The following AP3D1 variants were observed in gnomAD, a reference collection of about 807,000 sequenced individuals.
AP3D1 encodes the protein adaptor related protein complex 3 subunit delta 1, also known as AP-3 complex subunit delta-1.
In AP3D1, 51 loss-of-function variants were observed where a neutral mutation model predicts 147.6. That is an observed-to-expected ratio of 0.35 (90% CI 0.28 to 0.44). The LOEUF (loss-of-function observed/expected upper bound fraction) is 0.44. Among genes scored for constraint, AP3D1 ranks in the 20% least tolerant of loss-of-function variants. The pLI is 1.00. For missense variants in AP3D1, 1,421 were observed against 1,624.2 expected (o/e 0.87, Z 2.15); for synonymous variants, 760 against 663.0 (o/e 1.15, Z -2.25).
Position 2,115,626 on chromosome 19 carries a change from C to T in AP3D1, c.2074-13G>A. 1 of 1,609,462 alleles carries T rather than the reference C, an allele frequency of 6.2e-7. No individual in the cohort carries two copies. Among genetic ancestry groups the T allele is most frequent in the East Asian group, 2.2e-5 (1 of 44,750 alleles). On this transcript the variant is annotated splice_polypyrimidine_tract_variant and intron_variant, in intron 18 of 31. Coordinates refer to ENST00000643116, the MANE Select transcript of AP3D1 (RefSeq NM_001261826.3). ...TGTCCTGGTACCGCTGCAAAGGCAACACCCAGGCGTTACCGGTGCACCGAG... is the reference window on the plus strand; with the variant it reads ...TGTCCTGGTACCGCTGCAAAGGCAATACCCAGGCGTTACCGGTGCACCGAG...
chr19:2,163,676 C>T (rs929757907), intron 1 of AP3D1, among the ~76,000 whole-genome samples: 2 of 152,076 alleles, frequency 1.3e-5, no homozygotes, highest in African/African-American at 2.4e-5. Flanking sequence ...CGCTATCCGA[C>T]GGGCCCGCCC....
rs951223199 is a variant in AP3D1 at position 2,159,394 on chromosome 19, G to GTT, written c.-103+4960_-103+4961dup. Among the ~76,000 whole-genome samples the GTT allele has an allele frequency of 4.1e-3, 511 of 123,198 alleles. 4 individuals are homozygous for GTT. The highest frequency in any genetic ancestry group is 0.014 in the African/African-American group (476 of 33,272). The allele number at this position is 123,198 out of a possible 152,430, so 80.8% of individuals were successfully genotyped here. On this transcript the variant is annotated intron_variant, in intron 1 of 14. Transcript: ENST00000643010. ...CCACCATGCCTAGCTAATTTTTTTT[G>GTT]TTTTTTTTTTTTGAGACGGAGTCTC...
chr19:2,152,063 T>C (rs1265145722), upstream of AP3D1, among the ~76,000 whole-genome samples: 1 of 152,178 alleles, frequency 6.6e-6, no homozygotes, highest in Non-Finnish European at 1.5e-5. Flanking sequence ...AAGACAGACA[T>C]TAACATGCCC....
chr19:2,103,288 G>C (rs1055683312), intron 31 of AP3D1, among the ~76,000 whole-genome samples: 1 of 152,156 alleles, frequency 6.6e-6, no homozygotes, highest in Non-Finnish European at 1.5e-5. Flanking sequence ...CGTGGGAGGG[G>C]CTCCAGCCTA....
intron 31 of AP3D1, among the ~76,000 whole-genome samples, chr19:2,105,752 C>T (rs1489593033): frequency 6.6e-6 from 1 of 152,144 alleles, no homozygotes; most frequent in African/African-American, 2.4e-5. Flanking sequence ...AAGTGTGCAG[C>T]ACCCAAAAAG....
At chr19:2,132,738 G>A (rs1028987204) in intron 4 of AP3D1, among the ~76,000 whole-genome samples, 160 bp from the exon 5 acceptor site, 1 of 152,212 alleles carries the variant, frequency 6.6e-6, no homozygotes, top group African/African-American at 2.4e-5. Context: ...TGCTGCTGAG[G>A]GGTCTGAAGC....
intron 11 of AP3D1, among the ~76,000 whole-genome samples, chr19:2,122,433 A>G (rs768414319): frequency 2.0e-5 from 3 of 152,180 alleles, no homozygotes; most frequent in African/African-American, 4.8e-5. Context: ...GGCAGCACTG[A>G]GCAGAGACAG....
intron 1 of AP3D1, among the ~76,000 whole-genome samples, chr19:2,147,765 T>C (rs1452039287): frequency 1.3e-5 from 2 of 150,854 alleles, no homozygotes; most frequent in East Asian, 3.9e-4. Flanking sequence ...GTGGTGGCAC[T>C]CGCCTGTTGT....
intron 1 of AP3D1, among the ~76,000 whole-genome samples, chr19:2,150,194 G>A (rs561438193): frequency 6.6e-6 from 1 of 152,176 alleles, no homozygotes; most frequent in South Asian, 2.1e-4. Context: ...TGGGCACCTC[G>A]TCCTGGACAC....
intron 3 of AP3D1, 116 bp downstream of exon 3, chr19:2,137,611 G>T: frequency 1.1e-6 from 1 of 879,588 alleles, no homozygotes; most frequent in Non-Finnish European, 1.8e-6. Flanking sequence ...AATCCACCTT[G>T]GGTAACAGAG....
intron 1 of AP3D1, among the ~76,000 whole-genome samples, chr19:2,162,560 C>T (rs758153727): frequency 4.6e-5 from 7 of 151,358 alleles, no homozygotes; most frequent in South Asian, 2.1e-4. Context: ...ACTCGGGAGG[C>T]TGAGGCAGGA....
At chr19:2,152,940 G>T (rs1455883966), upstream of AP3D1, among the ~76,000 whole-genome samples, 4 of 151,616 alleles carry the variant, frequency 2.6e-5, no homozygotes, top group Non-Finnish European at 5.9e-5. Flanking sequence ...TCTGACAAAT[G>T]ACTTATATCC....
Position 2,115,649 on chromosome 19 carries a change from G to A in AP3D1, c.2074-36C>T, listed in dbSNP as rs779249020. 1.8e-5 allele frequency: 28 copies of A among 1,592,754 alleles called. 1 individual carries two copies. The highest frequency in any genetic ancestry group is 3.3e-5 in the South Asian group (3 of 90,340). Reference sequence around the variant, plus strand: ...AACACCCAGGCGTTACCGGTGCACCGAGGGGTGACACACGTGCAAGACAAG... The same window carrying A: ...AACACCCAGGCGTTACCGGTGCACCAAGGGGTGACACACGTGCAAGACAAG... On this transcript the variant is annotated intron_variant, in intron 18 of 31. Coordinates refer to ENST00000643116, the MANE Select transcript of AP3D1 (RefSeq NM_001261826.3).
rs75786455 is a variant in AP3D1, at chr19:2,122,900, T to C, written c.955+458A>G. ...ACCAGGCAGGGGCCGCTAATTCTGA[T>C]TCCTCAACAGAGCAGCACGGGGGCA... On this transcript the variant is annotated intron_variant, in intron 11 of 31. Coordinates refer to ENST00000643116, the MANE Select transcript of AP3D1 (RefSeq NM_001261826.3). Among the ~76,000 whole-genome samples, 1,167 of 152,352 alleles carry C rather than the reference T, an allele frequency of 7.7e-3. 5 individuals are homozygous for C. The highest frequency in any genetic ancestry group is 0.013 in the African/African-American group (548 of 41,592).
chr19:2,101,990 A>G lies in AP3D1; in HGVS notation c.*183T>C. On this transcript the variant is annotated 3_prime_UTR_variant, in exon 32 of 32. Transcript: ENST00000643116. ...AGAGAATGGGAAGAGTCACAGTAAA[A>G]AAGGATGGTCAGATAATTCAACGCA... 2 of 585,906 alleles carry G rather than the reference A, an allele frequency of 3.4e-6. No individual in the cohort carries two copies. The highest frequency in any genetic ancestry group is 6.0e-6 in the Non-Finnish European group (2 of 333,222). 36.3% of individuals were successfully genotyped at this position (585,906 alleles called of 1,614,324 possible). A position where few individuals can be genotyped will look rare whatever the true frequency, so the allele number is the denominator to read the frequency against.
chr19:2,136,873 G>A (rs937223793), intron 4 of AP3D1, 138 bp downstream of exon 4: 21 of 767,214 alleles, frequency 2.7e-5, no homozygotes, highest in Non-Finnish European at 4.3e-5. Context: ...TGGGAGGACT[G>A]TGGCTCCGGA....
At chr19:2,157,209 G>A (rs1432199628) in intron 1 of AP3D1, among the ~76,000 whole-genome samples, 3 of 151,324 alleles carry the variant, frequency 2.0e-5, no homozygotes, top group Admixed American at 6.6e-5. Flanking sequence ...TTGGGAGGCC[G>A]AGGCGGGCGG....
At chr19:2,132,967 C>T (rs142249266) in intron 4 of AP3D1, among the ~76,000 whole-genome samples, 4 of 152,292 alleles carry the variant, frequency 2.6e-5, no homozygotes, top group African/African-American at 7.2e-5. Context: ...GGGAATCAAC[C>T]GAGTTTCCTG....
intron 1 of AP3D1, among the ~76,000 whole-genome samples, chr19:2,163,069 A>G (rs2019758237): frequency 6.6e-6 from 1 of 151,998 alleles, no homozygotes; most frequent in South Asian, 2.1e-4. Flanking sequence ...AAATTAATTA[A>G]TTAATTAATT....
Sources: gnomAD v4.1 joint callset for allele counts (sites outside exome capture counted in the v4.1 genomes callset) on GRCh38, gnomAD v4.1.1 for gene constraint, MANE v1.5 for transcripts, NCBI Gene and HGNC (gene_info 2026-07-23, HGNC 2026-07-21) for gene names.